The following C1orf87 variants were observed in gnomAD, a reference collection of about 807,000 sequenced individuals.
C1orf87 encodes the protein chromosome 1 open reading frame 87.
A neutral mutation model predicts 60.5 loss-of-function variants in C1orf87; 58 were observed. That is an observed-to-expected ratio of 0.96 (90% CI 0.78 to 1.19). C1orf87 has a LOEUF of 1.19. Ranked by LOEUF, C1orf87 falls within the 50% of genes most tolerant of loss-of-function variation. C1orf87 has a pLI of 0.00. For missense variants in C1orf87, 673 were observed against 638.6 expected, an observed-to-expected ratio of 1.05 and a Z score of -0.58; for synonymous variants, 236 against 227.4, an observed-to-expected ratio of 1.04 and a Z score of -0.34.
At chr1:60,025,103 A>G (rs1321316871) in intron 8 of C1orf87, among the ~76,000 whole-genome samples, 1 of 152,232 alleles carries the variant, frequency 6.6e-6, no homozygotes, top group African/African-American at 2.4e-5. Context: ...AGGAATCTAG[A>G]AAATCAAGAT....
intron 8 of C1orf87, among the ~76,000 whole-genome samples, chr1:60,014,402 T>G (rs905612745): frequency 1.2e-4 from 18 of 152,182 alleles, no homozygotes; most frequent in Non-Finnish European, 1.2e-4. Context: ...GAAGATTTCT[T>G]TTGTACATTC....
chr1:59,992,751 T>C (rs543119036), intron 11 of C1orf87, among the ~76,000 whole-genome samples: 1 of 152,360 alleles, frequency 6.6e-6, no homozygotes, highest in South Asian at 2.1e-4. Flanking sequence ...CTATTGTGCA[T>C]GGTGCCACCT....
At chr1:59,992,020 TAAAC>T (rs1644927119) in intron 11 of C1orf87, among the ~76,000 whole-genome samples, 2 of 152,176 alleles carry the variant, frequency 1.3e-5, no homozygotes, top group East Asian at 3.9e-4. Flanking sequence ...CAATAATAAT[TAAAC>T]AATATTTAAA....
At chr1:60,042,433 T>C (rs559139158) in intron 3 of C1orf87, among the ~76,000 whole-genome samples, 2 of 152,262 alleles carry the variant, frequency 1.3e-5, no homozygotes, top group African/African-American at 4.8e-5. Context: ...AACTACTAAA[T>C]TGACAGTCAT....
intron 6 of C1orf87, among the ~76,000 whole-genome samples, chr1:60,036,007 C>A (rs111570727): frequency 1.4e-4 from 21 of 152,212 alleles, no homozygotes; most frequent in Middle Eastern, 6.8e-3. Context: ...TGTTTTCTAC[C>A]GCATGGTCTA....
At chr1:60,032,188 G>A (rs1462181092) in intron 7 of C1orf87, among the ~76,000 whole-genome samples, 3 of 152,122 alleles carry the variant, frequency 2.0e-5, no homozygotes, top group Non-Finnish European at 2.9e-5. Context: ...TGTATACCTA[G>A]ATGAAAGGCA....
intron 11 of C1orf87, among the ~76,000 whole-genome samples, chr1:59,997,174 C>T (rs927421871): frequency 6.6e-6 from 1 of 152,074 alleles, no homozygotes; most frequent in African/African-American, 2.4e-5. Flanking sequence ...CGAGACAAGG[C>T]CTGCTTGAGG....
chr1:60,004,003 G>A (rs1171310671), intron 9 of C1orf87, among the ~76,000 whole-genome samples: 2 of 152,044 alleles, frequency 1.3e-5, no homozygotes, highest in African/African-American at 4.8e-5. Flanking sequence ...GAACGTTTAA[G>A]TTGTCACGAG....
chr1:60,020,660 G>A (rs1645157047), intron 8 of C1orf87, among the ~76,000 whole-genome samples: 1 of 152,144 alleles, frequency 6.6e-6, no homozygotes, highest in Admixed American at 6.5e-5. Context: ...TACTCCCACT[G>A]TATCTTGGAA....
chr1:60,041,119 C>T lies in C1orf87; in HGVS notation c.355G>A (p.Ala119Thr). 1.9e-6 allele frequency: 3 copies of T among 1,578,418 alleles called. No homozygotes were observed. Among genetic ancestry groups the T allele is most frequent in the Non-Finnish European group, 2.6e-6 (3 of 1,155,520 alleles). ...RFLDGNIPSQ[A>T]NVHCSSVPTG... ...GGTACAGAGCTGCAGTGGACATTTGCTTGACTGGGAATCTTAACAGAACAA... is the reference window on the plus strand; with the variant it reads ...GGTACAGAGCTGCAGTGGACATTTGTTTGACTGGGAATCTTAACAGAACAA... The change falls in exon 4 of 12, where the codon GCA (alanine) becomes ACA (threonine). Residue 119 changes from alanine to threonine, a missense_variant. Transcript: ENST00000371201.
chr1:60,065,041 T>TATATATATAA (rs1287087129), intron 2 of C1orf87, among the ~76,000 whole-genome samples: 1,767 of 31,262 alleles, frequency 0.057, 19 homozygotes, highest in South Asian at 0.088. Flanking sequence ...TATATATATT[T>TATATATATAA]AATAATATAT....
intron 11 of C1orf87, among the ~76,000 whole-genome samples, chr1:59,995,512 G>A (rs140946934): frequency 6.6e-6 from 1 of 152,192 alleles, no homozygotes; most frequent in East Asian, 1.9e-4. Flanking sequence ...GTCCTGTCTT[G>A]GTACTCGCTT....
intron 6 of C1orf87, among the ~76,000 whole-genome samples, 176 bp from the exon 7 acceptor site, chr1:60,033,817 C>T (rs1307326072): frequency 6.6e-6 from 1 of 152,154 alleles, no homozygotes; most frequent in East Asian, 1.9e-4. Flanking sequence ...CATTTCATAG[C>T]TTAACTCATA....
intron 8 of C1orf87, among the ~76,000 whole-genome samples, chr1:60,020,135 C>T (rs1645152490): frequency 1.3e-5 from 2 of 152,094 alleles, no homozygotes; most frequent in Non-Finnish European, 1.5e-5. Flanking sequence ...CCATCACAGG[C>T]CTGGAAGTCT....
chr1:60,064,818 T>A (rs1445115695), intron 2 of C1orf87, among the ~76,000 whole-genome samples: 2 of 92,882 alleles, frequency 2.2e-5, no homozygotes, highest in African/African-American at 4.5e-5. Flanking sequence ...TTAATATATA[T>A]AAATATATAT....
chr1:60,057,650 G>A (rs1645466483), intron 2 of C1orf87, among the ~76,000 whole-genome samples: 1 of 152,172 alleles, frequency 6.6e-6, no homozygotes, highest in Admixed American at 6.5e-5. Flanking sequence ...AGGTAAGGAT[G>A]TAGGCAAATT....
At chr1:60,001,514 C>A (rs1182235185) in intron 9 of C1orf87, among the ~76,000 whole-genome samples, 2 of 151,974 alleles carry the variant, frequency 1.3e-5, no homozygotes, top group Non-Finnish European at 2.9e-5. Context: ...AATTCGCAAC[C>A]TGAAGGATTG....
chr1:60,061,852 G>A (rs533124313), intron 2 of C1orf87, among the ~76,000 whole-genome samples: 1 of 150,296 alleles, frequency 6.7e-6, no homozygotes, highest in South Asian at 2.1e-4. Context: ...TTGGGAAGCT[G>A]AGGCAGGAGG....
intron 2 of C1orf87, among the ~76,000 whole-genome samples, chr1:60,060,999 C>T (rs529105396): frequency 6.6e-6 from 1 of 152,310 alleles, no homozygotes; most frequent in East Asian, 1.9e-4. Flanking sequence ...GGCCTCTTCA[C>T]CAATGATCTC....
Sources: allele counts gnomAD v4.1 joint callset (sites outside exome capture counted in the v4.1 genomes callset), GRCh38; gene constraint gnomAD v4.1.1; transcripts MANE v1.5; gene names NCBI Gene and HGNC (gene_info 2026-07-23, HGNC 2026-07-21).